The following PARN variants were observed in gnomAD, a reference collection of about 807,000 sequenced individuals.
PARN encodes poly(A)-specific ribonuclease, also known as poly(A)-specific ribonuclease PARN.
Under a neutral mutation model 102.8 loss-of-function variants are expected in PARN, and 71 were observed. The observed-to-expected ratio is 0.69, with a 90% confidence interval of 0.57 to 0.84. The LOEUF is 0.84. Among genes scored for constraint, PARN ranks in the 40% least tolerant of loss-of-function variants. The pLI, the probability that PARN is intolerant of heterozygous loss-of-function variation, is 0.00. For missense variants in PARN, 782 were observed against 760.9 expected, an observed-to-expected ratio of 1.03 and a Z score of -0.33; for synonymous variants, 261 against 252.9, an observed-to-expected ratio of 1.03 and a Z score of -0.30.
chr16:14,570,649 C>CA (rs879863774), intron 18 of PARN, among the ~76,000 whole-genome samples: 2,345 of 100,764 alleles, frequency 0.023, 49 homozygotes, highest in African/African-American at 0.074. Context: ...GACTCCATCT[C>CA]AAAAAAAAAA....
chr16:14,535,806 T>C (rs1416716057), intron 21 of PARN, among the ~76,000 whole-genome samples: 2 of 152,292 alleles, frequency 1.3e-5, no homozygotes, highest in East Asian at 3.9e-4. Context: ...AACTTTATCA[T>C]AGGTATGTAT....
At chr16:14,590,634 CAAA>C (rs966183881) in intron 13 of PARN, among the ~76,000 whole-genome samples, 6 of 63,542 alleles carry the variant, frequency 9.4e-5, no homozygotes, top group African/African-American at 1.1e-4. Flanking sequence ...GATTCAGTCT[CAAA>C]AAAAAAAAAA....
chr16:14,629,079 G>A (rs1972860849), intron 2 of PARN, among the ~76,000 whole-genome samples: 1 of 152,194 alleles, frequency 6.6e-6, no homozygotes, highest in Non-Finnish European at 1.5e-5. Context: ...GAGATGTTAA[G>A]GGCAGTCAAA....
At chr16:14,593,767 C>T (rs996976326) in intron 12 of PARN, among the ~76,000 whole-genome samples, 4 of 151,984 alleles carry the variant, frequency 2.6e-5, no homozygotes, top group Admixed American at 2.6e-4. Context: ...GAGGTCAAGG[C>T]GGGTGGATCA....
At chr16:14,553,616 T>G (rs1037138287) in intron 20 of PARN, among the ~76,000 whole-genome samples, 2 of 152,156 alleles carry the variant, frequency 1.3e-5, no homozygotes, top group Admixed American at 6.5e-5. Flanking sequence ...TCACATGACC[T>G]GGTAAAAAAG....
rs145506985 is a variant in PARN, at chr16:14,516,980, A to C, written c.1481-34153T>G. Among the ~76,000 whole-genome samples the C allele has an allele frequency of 1.2e-3, 178 of 152,360 alleles. 1 individual carries two copies. The highest frequency in any genetic ancestry group is 3.8e-3 in the African/African-American group (160 of 41,594). On this transcript the variant is annotated intron_variant, in intron 21 of 23. Coordinates refer to ENST00000437198, the MANE Select transcript of PARN (RefSeq NM_002582.4). Reference sequence around the variant, plus strand: ...CTAATAAAGGGTATTTTTCTAAATCAGACACAGAAGAGGGAAGGCAGGGAA... The same window carrying C: ...CTAATAAAGGGTATTTTTCTAAATCCGACACAGAAGAGGGAAGGCAGGGAA...
At chr16:14,456,167 TTTC>T (rs1298254189) in intron 22 of PARN, among the ~76,000 whole-genome samples, 2 of 151,938 alleles carry the variant, frequency 1.3e-5, no homozygotes, top group Non-Finnish European at 1.5e-5. Context: ...TACAGTAAGT[TTTC>T]TTTTTTTTTT....
chr16:14,508,281 G>C (rs1964999520), intron 21 of PARN, among the ~76,000 whole-genome samples: 1 of 152,060 alleles, frequency 6.6e-6, no homozygotes, highest in Admixed American at 6.5e-5. Flanking sequence ...TGTAATCCCA[G>C]CACTTTGAGA....
rs983170858 is a variant in PARN at position 14,630,149 on chromosome 16, G to GCC, written c.-26_-25dup. 6.4e-7 allele frequency: 1 copy of GCC among 1,553,548 alleles called. No individual in the cohort carries two copies. The highest frequency in any genetic ancestry group is 1.2e-5 in the South Asian group (1 of 84,292). On this transcript the variant is annotated 5_prime_UTR_variant, in exon 1 of 24. Transcript: ENST00000437198. The stretch of plus-strand genomic sequence containing the variant: ...ATTCTGCAGAGTGGCCGGAACCTTG[G>GCC]CCCCACCCGGGCCCGCGCCCGCCTC...
At position 14,455,902 on chromosome 16, in the gene PARN, C is replaced by G. The variant is rs140244578; in HGVS notation, c.1671-8821G>C. Among the ~76,000 whole-genome samples, 3 of 152,324 alleles carry G rather than the reference C, an allele frequency of 2.0e-5. No homozygotes were observed. The East Asian group carries it at 5.8e-4, about 29-fold the overall frequency. On this transcript the variant is annotated intron_variant, in intron 22 of 23. Coordinates refer to ENST00000437198, the MANE Select transcript of PARN (RefSeq NM_002582.4). ...CCTGATGCTGGATAATTCCTTTAAA[C>G]TAGTAATGCCCATGTTGGCTGTTAA...
At chr16:14,587,778 T>A (rs964304052) in intron 13 of PARN, among the ~76,000 whole-genome samples, 2 of 152,254 alleles carry the variant, frequency 1.3e-5, no homozygotes, top group Admixed American at 1.3e-4. Context: ...AGTAATAAAG[T>A]GAAGGATAAA....
intron 23 of PARN, among the ~76,000 whole-genome samples, chr16:14,441,778 C>T (rs1960952598): frequency 6.6e-6 from 1 of 152,246 alleles, no homozygotes; most frequent in Non-Finnish European, 1.5e-5. Context: ...GCTCGGCTGC[C>T]TCAGCCTGGT....
chr16:14,574,436 C>T (rs1183960314), intron 18 of PARN, among the ~76,000 whole-genome samples: 2 of 152,038 alleles, frequency 1.3e-5, no homozygotes, highest in Admixed American at 6.6e-5. Flanking sequence ...AAATCCTGGC[C>T]GGGCATGGTG....
intron 21 of PARN, among the ~76,000 whole-genome samples, chr16:14,530,558 T>C (rs1175549604): frequency 6.7e-6 from 1 of 149,102 alleles, no homozygotes; most frequent in Non-Finnish European, 1.5e-5. Flanking sequence ...AAAAAAAAAC[T>C]ATATTATATA....
chr16:14,559,795 C>T (rs1349318581), intron 18 of PARN, among the ~76,000 whole-genome samples: 1 of 152,180 alleles, frequency 6.6e-6, no homozygotes, highest in African/African-American at 2.4e-5. Flanking sequence ...CCTTCACCTT[C>T]ACATCTGGGG....
At chr16:14,483,540 T>C (rs550669410) in intron 21 of PARN, among the ~76,000 whole-genome samples, 1 of 152,310 alleles carries the variant, frequency 6.6e-6, no homozygotes, top group East Asian at 1.9e-4. Context: ...TTTTATTAAT[T>C]TTTTTAAATG....
At chr16:14,522,040 T>C (rs958443206) in intron 21 of PARN, among the ~76,000 whole-genome samples, 1 of 152,194 alleles carries the variant, frequency 6.6e-6, no homozygotes, top group African/African-American at 2.4e-5. Flanking sequence ...CTGTACCATA[T>C]AGGTTTAAGT....
intron 5 of PARN, among the ~76,000 whole-genome samples, chr16:14,619,134 T>C (rs1972121618): frequency 2.6e-5 from 4 of 151,850 alleles, no homozygotes; most frequent in South Asian, 2.1e-4. Flanking sequence ...GGTGAGGAGG[T>C]TGAGGCTGTA....
intron 21 of PARN, among the ~76,000 whole-genome samples, chr16:14,534,905 G>A (rs1414422430): frequency 6.6e-6 from 1 of 151,240 alleles, no homozygotes; most frequent in East Asian, 1.9e-4. Context: ...CGCCATCTCG[G>A]CTCACCACAA....
Sources: gnomAD v4.1 joint callset for allele counts (sites outside exome capture counted in the v4.1 genomes callset) on GRCh38, gnomAD v4.1.1 for gene constraint, MANE v1.5 for transcripts, NCBI Gene and HGNC (gene_info 2026-07-23, HGNC 2026-07-21) for gene names.